The following ANO3 variants were observed in gnomAD, a reference collection of about 807,000 sequenced individuals.
ANO3 encodes anoctamin-3.
In ANO3, 99 loss-of-function variants were observed where a neutral mutation model predicts 144.8. The observed-to-expected ratio is 0.68, with a 90% CI of 0.58 to 0.81. The LOEUF (loss-of-function observed/expected upper bound fraction) is 0.81. Ranked by LOEUF, ANO3 falls within the 30% of genes least tolerant of loss-of-function variation. The probability of loss-of-function intolerance (pLI) is 0.00; values close to 1 mark genes in which losing one functional copy is unlikely to be tolerated. For missense variants in ANO3, 905 were observed against 1,202.2 expected, an observed-to-expected ratio of 0.75 and a Z score of 3.66; for synonymous variants, 414 against 392.6, an observed-to-expected ratio of 1.05 and a Z score of -0.64.
At chr11:26,566,481 A>G (rs776123615) in intron 14 of ANO3, among the ~76,000 whole-genome samples, 1 of 152,014 alleles carries the variant, frequency 6.6e-6, no homozygotes, top group Non-Finnish European at 1.5e-5. Context: ...AATACTAGTC[A>G]TGAAATAACT....
intron 12 of ANO3, among the ~76,000 whole-genome samples, chr11:26,549,370 C>T (rs1001583446): frequency 6.6e-6 from 1 of 151,940 alleles, no homozygotes; most frequent in Admixed American, 6.6e-5. Flanking sequence ...AATTTGGGGA[C>T]TGAAATTTTC....
rs760886604 is a variant in ANO3 at position 26,534,515 on chromosome 11, A to G, written c.929A>G (p.Tyr310Cys). 8 of 1,613,152 alleles carry G rather than the reference A, an allele frequency of 5.0e-6. No homozygotes were observed. The Admixed American group carries it at 6.7e-5, about 13-fold the overall frequency. The change falls in exon 9 of 27, where the codon TAT becomes TGT. Residue 310 changes from tyrosine to cysteine, a missense_variant. Physicochemically the swap from Tyr to Cys is radical, Grantham distance 194 (BLOSUM62 -2). Transcript: ENST00000256737. Reference sequence around the variant, plus strand: ...AATGCTACTCGAAGCAGAATAGTCTATCACATGCTGGAACGCACCAAATAT... The same window carrying G: ...AATGCTACTCGAAGCAGAATAGTCTGTCACATGCTGGAACGCACCAAATAT... ...FSNATRSRIVYHMLERTKYEN... is the reference protein window; with the variant it reads ...FSNATRSRIVCHMLERTKYEN...
chr11:26,295,876 T>C (rs1854078788), intron 1 of ANO3, among the ~76,000 whole-genome samples: 1 of 152,220 alleles, frequency 6.6e-6, no homozygotes, highest in African/African-American at 2.4e-5. Flanking sequence ...ATGTTCTTCA[T>C]GGAAATGTCT....
At chr11:26,293,049 C>T (rs1247070283) in intron 1 of ANO3, among the ~76,000 whole-genome samples, 1 of 152,152 alleles carries the variant, frequency 6.6e-6, no homozygotes, top group Non-Finnish European at 1.5e-5. Context: ...CCATCTTCAC[C>T]CACCCCATAT....
At chr11:26,322,189 A>C (rs1191096746) in intron 1 of ANO3, among the ~76,000 whole-genome samples, 1 of 152,160 alleles carries the variant, frequency 6.6e-6, no homozygotes, top group Non-Finnish European at 1.5e-5. Flanking sequence ...GTACTTGAAT[A>C]TAATTGAAGA....
intron 1 of ANO3, among the ~76,000 whole-genome samples, chr11:26,258,591 A>G (rs1853112041): frequency 6.6e-6 from 1 of 152,132 alleles, no homozygotes; most frequent in Admixed American, 6.5e-5. Context: ...TCTTTGATTC[A>G]TCTTTTCATA....
chr11:26,435,013 G>T (rs1181543619), intron 1 of ANO3, among the ~76,000 whole-genome samples: 1 of 152,098 alleles, frequency 6.6e-6, no homozygotes, highest in Admixed American at 6.5e-5. Flanking sequence ...TACTGTCAGG[G>T]TAGTGTTAAA....
chr11:26,430,048 A>G (rs1167177276), intron 1 of ANO3, among the ~76,000 whole-genome samples: 1 of 152,140 alleles, frequency 6.6e-6, no homozygotes, highest in Non-Finnish European at 1.5e-5. Context: ...GATCGAGAAC[A>G]TCCTGGCCAA....
At chr11:26,564,732 C>CACATATATAT (rs1565108986) in intron 14 of ANO3, among the ~76,000 whole-genome samples, 1 of 25,414 alleles carries the variant, frequency 3.9e-5, no homozygotes, top group Non-Finnish European at 7.2e-5. Context: ...CACACACACA[C>CACATATATAT]ATATATATAT....
At chr11:26,560,270 G>A (rs1850235216) in intron 14 of ANO3, 1 of 152,232 alleles carries the variant, frequency 6.6e-6, no homozygotes, top group Non-Finnish European at 1.5e-5. Context: ...TACAAATTAT[G>A]TACAGGTATA....
intron 1 of ANO3, among the ~76,000 whole-genome samples, chr11:26,220,707 C>T (rs71480114): frequency 1.3e-5 from 2 of 152,000 alleles, no homozygotes; most frequent in Admixed American, 6.5e-5. Context: ...TCAGACATCT[C>T]AAAAATGATG....
intron 1 of ANO3, 88 bp from the exon 2 acceptor site, chr11:26,441,830 T>C: frequency 1.1e-6 from 1 of 915,848 alleles, no homozygotes; most frequent in Non-Finnish European, 1.7e-6. Flanking sequence ...AGTTCATTCC[T>C]GAAACAGGTA....
At chr11:26,358,837 C>T (rs1037007988) in intron 1 of ANO3, among the ~76,000 whole-genome samples, 8 of 152,010 alleles carry the variant, frequency 5.3e-5, no homozygotes, top group Admixed American at 4.6e-4. Flanking sequence ...AATTCACCAA[C>T]GTTTTCTTTC....
intron 1 of ANO3, among the ~76,000 whole-genome samples, chr11:26,393,670 C>A (rs1417405157): frequency 6.6e-6 from 1 of 152,090 alleles, no homozygotes; most frequent in Admixed American, 6.6e-5. Context: ...AGAAGGTATT[C>A]AGTACTTTTA....
intron 1 of ANO3, among the ~76,000 whole-genome samples, chr11:26,281,514 C>T (rs1853678954): frequency 6.6e-6 from 1 of 152,082 alleles, no homozygotes; most frequent in Admixed American, 6.6e-5. Context: ...CACACTTAAA[C>T]TAAAATTAAC....
rs571253709 is a variant in ANO3 at position 26,542,659 on chromosome 11, A to G, written c.1154+591A>G. Among the ~76,000 whole-genome samples, 101 of 152,268 alleles carry G rather than the reference A, an allele frequency of 6.6e-4. 1 individual carries two copies. Among genetic ancestry groups the G allele is most frequent in the African/African-American group, 2.3e-3 (95 of 41,566 alleles). ...CATGTTTGTATATATTTACTGTTCA[A>G]CAAAGATCTACTCTACTTCAGGATG... On this transcript the variant is annotated intron_variant, in intron 11 of 26. Coordinates refer to ENST00000256737, the MANE Select transcript of ANO3 (RefSeq NM_031418.4).
At chr11:26,389,493 T>C (rs567464758) in intron 1 of ANO3, among the ~76,000 whole-genome samples, 1 of 151,962 alleles carries the variant, frequency 6.6e-6, no homozygotes, top group South Asian at 2.1e-4. Context: ...TAGCACAATA[T>C]AAATATATAT....
chr11:26,653,278 A>G (rs1424826553), intron 24 of ANO3, among the ~76,000 whole-genome samples: 3 of 152,140 alleles, frequency 2.0e-5, no homozygotes, highest in South Asian at 2.1e-4. Flanking sequence ...AGTCTTGCCC[A>G]TATCAATTAA....
At chr11:26,388,207 C>T (rs1168887338) in intron 1 of ANO3, among the ~76,000 whole-genome samples, 4 of 150,778 alleles carry the variant, frequency 2.7e-5, no homozygotes, top group Non-Finnish European at 5.9e-5. Flanking sequence ...GTCCTATAAA[C>T]CCAGAAATAC....
Sources: gnomAD v4.1 joint callset for allele counts (sites outside exome capture counted in the v4.1 genomes callset) on GRCh38, gnomAD v4.1.1 for gene constraint, MANE v1.5 for transcripts, NCBI Gene and HGNC (gene_info 2026-07-23, HGNC 2026-07-21) for gene names.